The following FAM13A variants were observed in gnomAD, a reference collection of about 807,000 sequenced individuals.
FAM13A encodes protein FAM13A.
A neutral mutation model predicts 129.6 loss-of-function variants in FAM13A; 76 were observed. The ratio of observed to expected loss-of-function variants is 0.59; its 90% CI spans 0.49 to 0.71. The LOEUF is 0.71. FAM13A is among the 30% of genes least tolerant of loss of function. FAM13A has a pLI of 0.00. For synonymous variants in FAM13A, 443 were observed against 449.9 expected, an observed-to-expected ratio of 0.98 and a Z score of 0.20; for missense variants, 1,108 against 1,249.3, an observed-to-expected ratio of 0.89 and a Z score of 1.70.
intron 14 of FAM13A, 118 bp downstream of exon 14, chr4:88,758,636 T>C (rs1229159006): frequency 4.0e-6 from 4 of 1,004,518 alleles, no homozygotes; most frequent in Non-Finnish European, 5.8e-6. Flanking sequence ...GGAAATGCAG[T>C]TACTTCTGCA....
At chr4:89,015,076 A>C (rs1234570768) in intron 3 of FAM13A, among the ~76,000 whole-genome samples, 4 of 152,170 alleles carry the variant, frequency 2.6e-5, no homozygotes, top group Admixed American at 6.5e-5. Flanking sequence ...TTACGGTTGA[A>C]GATAAGGGAT....
intron 22 of FAM13A, 77 bp from the exon 23 acceptor site, chr4:88,731,505 A>C: frequency 1.2e-6 from 1 of 838,866 alleles, no homozygotes; most frequent in Non-Finnish European, 1.9e-6. Context: ...GTAACTCAAC[A>C]GGAGCTGTGC....
intron 14 of FAM13A, among the ~76,000 whole-genome samples, chr4:88,757,704 T>C (rs1743964458): frequency 6.6e-6 from 1 of 152,144 alleles, no homozygotes; most frequent in Non-Finnish European, 1.5e-5. Context: ...AATAAAAAAG[T>C]TTGTTTTCAC....
chr4:88,883,226 C>G (rs535168095), intron 6 of FAM13A, among the ~76,000 whole-genome samples: 3 of 152,134 alleles, frequency 2.0e-5, no homozygotes, highest in East Asian at 3.9e-4. Context: ...TATTCATCAA[C>G]ACATGGAACA....
At chr4:88,848,505 C>T (rs892018640) in intron 7 of FAM13A, among the ~76,000 whole-genome samples, 2 of 152,232 alleles carry the variant, frequency 1.3e-5, no homozygotes, top group African/African-American at 2.4e-5. Context: ...ACCAAGCCCT[C>T]CTGTAAGCAG....
chr4:88,955,148 G>C (rs1283163041), intron 4 of FAM13A, among the ~76,000 whole-genome samples: 2 of 152,028 alleles, frequency 1.3e-5, no homozygotes, highest in Non-Finnish European at 2.9e-5. Flanking sequence ...ATTATAGTTA[G>C]AATGTGTTTT....
chr4:88,804,711 G>GAT (rs34522375), intron 8 of FAM13A, among the ~76,000 whole-genome samples: 77,682 of 151,816 alleles, frequency 0.51, 20,070 homozygotes, highest in East Asian at 0.69. Flanking sequence ...ATAAAATAGA[G>GAT]ATTTTTAACT....
At chr4:89,043,662 C>G (rs190630807) in intron 1 of FAM13A, among the ~76,000 whole-genome samples, 1 of 151,832 alleles carries the variant, frequency 6.6e-6, no homozygotes, top group African/African-American at 2.4e-5. Context: ...AAGAAGCAGA[C>G]GGAAACTATA....
intron 3 of FAM13A, among the ~76,000 whole-genome samples, chr4:89,009,369 T>C (rs375689182): frequency 2.5e-4 from 38 of 152,192 alleles, no homozygotes; most frequent in Admixed American, 6.5e-5. Flanking sequence ...TCAACGCCAC[T>C]ACCTCTCCTT....
intron 6 of FAM13A, among the ~76,000 whole-genome samples, chr4:88,851,717 T>C (rs1578957092): frequency 6.6e-6 from 1 of 152,164 alleles, no homozygotes; most frequent in East Asian, 1.9e-4. Context: ...CTAATAAAAT[T>C]TTGGTTAAGG....
intron 4 of FAM13A, among the ~76,000 whole-genome samples, chr4:88,959,523 C>T (rs555225372): frequency 6.6e-6 from 1 of 152,218 alleles, no homozygotes; most frequent in Non-Finnish European, 1.5e-5. Flanking sequence ...GATGTGCCTG[C>T]TCCCCCTTTT....
intron 7 of FAM13A, among the ~76,000 whole-genome samples, chr4:88,837,329 T>C (rs1276056468): frequency 6.6e-6 from 1 of 152,050 alleles, no homozygotes; most frequent in African/African-American, 2.4e-5. Flanking sequence ...TAAATACATA[T>C]TAAAACTGTT....
chr4:89,047,357 T>C (rs538299673), intron 1 of FAM13A, among the ~76,000 whole-genome samples: 1 of 152,250 alleles, frequency 6.6e-6, no homozygotes, highest in African/African-American at 2.4e-5. Flanking sequence ...CAGACACGTG[T>C]TACTATCACA....
At chr4:88,807,147 C>G (rs1728717042) in intron 7 of FAM13A, among the ~76,000 whole-genome samples, 4 of 152,218 alleles carry the variant, frequency 2.6e-5, no homozygotes, top group African/African-American at 9.6e-5. Flanking sequence ...GTTACTGTAA[C>G]ATTCTTTGAT....
At chr4:88,976,729 C>CCCAGG (rs1760967528) in intron 4 of FAM13A, among the ~76,000 whole-genome samples, 1 of 16,684 alleles carries the variant, frequency 6.0e-5, no homozygotes, top group Non-Finnish European at 1.3e-4. Flanking sequence ...CTCACTGACT[C>CCCAGG]ACACAGAGCA....
intron 14 of FAM13A, among the ~76,000 whole-genome samples, chr4:88,751,296 G>A (rs1320804289): frequency 6.6e-6 from 1 of 152,112 alleles, no homozygotes; most frequent in African/African-American, 2.4e-5. Context: ...TGTTGGTGGG[G>A]GAGATATTTG....
chr4:88,838,817 C>CTGCA (rs1369065136), intron 7 of FAM13A, among the ~76,000 whole-genome samples: 2 of 152,116 alleles, frequency 1.3e-5, no homozygotes, highest in Non-Finnish European at 2.9e-5. Context: ...GCACTTTTAC[C>CTGCA]TGCAGCTAGT....
At chr4:88,779,936 C>G (rs1447405646) in intron 11 of FAM13A, among the ~76,000 whole-genome samples, 1 of 152,114 alleles carries the variant, frequency 6.6e-6, no homozygotes, top group Non-Finnish European at 1.5e-5. Context: ...CCAGATAGCT[C>G]TTTGGCAGAT....
At chr4:88,931,219 A>T (rs1752981861) in intron 5 of FAM13A, among the ~76,000 whole-genome samples, 1 of 152,078 alleles carries the variant, frequency 6.6e-6, no homozygotes, top group Non-Finnish European at 1.5e-5. Context: ...CTGTGTCTGT[A>T]GATGATGGGT....
Sources: allele counts gnomAD v4.1 joint callset (sites outside exome capture counted in the v4.1 genomes callset), GRCh38; gene constraint gnomAD v4.1.1; transcripts MANE v1.5; gene names NCBI Gene and HGNC (gene_info 2026-07-23, HGNC 2026-07-21).